ENTREP2: variants seen among roughly 807,000 people sequenced by gnomAD.
ENTREP2 encodes protein ENTREP2.
chr15:29,381,746 G>C, the ENTREP2 span: 1 of 1,547,410 alleles, frequency 6.5e-7, no homozygotes, highest in East Asian at 2.4e-5. Flanking sequence ...CCTGCTCCAA[G>C]GCCACCTGGA....
chr15:29,325,025 C>A, the ENTREP2 span, among the ~76,000 whole-genome samples: 1 of 152,110 alleles, frequency 6.6e-6, no homozygotes, highest in Non-Finnish European at 1.5e-5. Context: ...AACTAGAAAT[C>A]ACTAACAGAA....
chr15:29,190,356 T>C, the ENTREP2 span, among the ~76,000 whole-genome samples: 2 of 150,764 alleles, frequency 1.3e-5, no homozygotes, highest in African/African-American at 4.9e-5. Flanking sequence ...AGGGGTTCTC[T>C]GCTAAAAAAA....
the ENTREP2 span, among the ~76,000 whole-genome samples, chr15:29,197,021 G>A: frequency 6.6e-6 from 1 of 152,160 alleles, no homozygotes; most frequent in Admixed American, 6.5e-5. Flanking sequence ...TCGAGGCCTT[G>A]TCTGGTTTTC....
the ENTREP2 span, among the ~76,000 whole-genome samples, chr15:29,500,609 G>C: frequency 1.3e-5 from 2 of 151,938 alleles, no homozygotes; most frequent in Admixed American, 6.6e-5. Flanking sequence ...TTGAATAAAA[G>C]CAGTGCTCAG....
the ENTREP2 span, among the ~76,000 whole-genome samples, chr15:29,311,118 G>C: frequency 6.6e-6 from 1 of 152,068 alleles, no homozygotes; most frequent in Admixed American, 6.5e-5. Context: ...TTTGTGATGA[G>C]AGACCTGTAA....
At chr15:29,136,664 G>C in the ENTREP2 span, among the ~76,000 whole-genome samples, 1 of 134,766 alleles carries the variant, frequency 7.4e-6, no homozygotes, top group Non-Finnish European at 1.6e-5. Context: ...TTGCACTTTT[G>C]TTTTTTTTTT....
chr15:29,434,813 GA>G, the ENTREP2 span, among the ~76,000 whole-genome samples: 2 of 152,068 alleles, frequency 1.3e-5, no homozygotes, highest in African/African-American at 2.4e-5. Flanking sequence ...CTTAGACGGT[GA>G]AAAAAGTCTT....
chr15:29,412,626 C>T, the ENTREP2 span, among the ~76,000 whole-genome samples: 11 of 152,124 alleles, frequency 7.2e-5, no homozygotes, highest in East Asian at 1.9e-3. Flanking sequence ...TGTAGTCTCT[C>T]ATCAACTTTT....
At chr15:29,220,710 G>A in the ENTREP2 span, among the ~76,000 whole-genome samples, 27 of 151,784 alleles carry the variant, frequency 1.8e-4, no homozygotes, top group East Asian at 1.9e-4. Context: ...GCATGAACGT[G>A]TATACACAAA....
the ENTREP2 span, among the ~76,000 whole-genome samples, chr15:29,393,283 C>T: frequency 0.82 from 125,052 of 151,960 alleles, 51,546 homozygotes; most frequent in African/African-American, 0.86. Flanking sequence ...CCTAGAGAGG[C>T]ATAGTTCTGC....
the ENTREP2 span, among the ~76,000 whole-genome samples, chr15:29,644,214 T>C: frequency 6.6e-6 from 1 of 152,228 alleles, no homozygotes; most frequent in Non-Finnish European, 1.5e-5. Flanking sequence ...ATTTTACTTT[T>C]GTGATGTGTC....
chr15:29,533,004 G>T, the ENTREP2 span, among the ~76,000 whole-genome samples: 1 of 152,194 alleles, frequency 6.6e-6, no homozygotes, highest in East Asian at 1.9e-4. Flanking sequence ...TCTACAGGAG[G>T]AAGGGGAAAT....
the ENTREP2 span, among the ~76,000 whole-genome samples, chr15:29,500,232 A>C: frequency 1.3e-5 from 2 of 152,072 alleles, no homozygotes; most frequent in Admixed American, 1.3e-4. Context: ...CTTGAACAAC[A>C]CTATAAACCA....
At chr15:29,552,454 CA>C in the ENTREP2 span, among the ~76,000 whole-genome samples, 570 of 152,122 alleles carry the variant, frequency 3.7e-3, 1 homozygote, top group Middle Eastern at 0.014. Flanking sequence ...AAAAGGAAAG[CA>C]GGGCACCAGA....
the ENTREP2 span, among the ~76,000 whole-genome samples, chr15:29,155,905 C>T: frequency 3.3e-5 from 5 of 152,138 alleles, no homozygotes; most frequent in East Asian, 3.9e-4. Flanking sequence ...TTTTTGTTTG[C>T]GTTTTCTAAT....
the ENTREP2 span, chr15:29,268,928 T>C: frequency 6.2e-7 from 1 of 1,614,216 alleles, no homozygotes. Flanking sequence ...ACTTTCATCT[T>C]GCTGGTTTCC....
chr15:29,341,515 C>T, the ENTREP2 span, among the ~76,000 whole-genome samples: 1 of 152,192 alleles, frequency 6.6e-6, no homozygotes, highest in Non-Finnish European at 1.5e-5. Context: ...CTGACAAGTG[C>T]TAGTGAATCA....
chr15:29,565,393 C>CAAAA, the ENTREP2 span, among the ~76,000 whole-genome samples: 1 of 135,106 alleles, frequency 7.4e-6, no homozygotes, highest in Non-Finnish European at 1.6e-5. Context: ...AATCTATCCT[C>CAAAA]AAAAAAAAAA....
chr15:29,563,717 G>C, the ENTREP2 span, among the ~76,000 whole-genome samples: 1 of 152,212 alleles, frequency 6.6e-6, no homozygotes, highest in East Asian at 1.9e-4. Flanking sequence ...TGTAATCCCA[G>C]CTACTCAGGA....
Sources: allele counts gnomAD v4.1 joint callset (sites outside exome capture counted in the v4.1 genomes callset), GRCh38; gene constraint gnomAD v4.1.1; transcripts MANE v1.5; gene names NCBI Gene and HGNC (gene_info 2026-07-23, HGNC 2026-07-21).